Variants in SMIM41 observed in about 807,000 individuals in gnomAD.
The protein encoded by SMIM41 is small integral membrane protein 41.
intron 2 of SMIM41, among the ~76,000 whole-genome samples, chr12:52,105,599 A>C (rs1039999166): frequency 9.9e-5 from 15 of 152,132 alleles, no homozygotes; most frequent in Non-Finnish European, 2.2e-4. Context: ...AAAAATAGAA[A>C]AAAATTAGTC....
At chr12:52,084,384 A>C (rs1339965726) in intron 2 of SMIM41, among the ~76,000 whole-genome samples, 1 of 20,442 alleles carries the variant, frequency 4.9e-5, no homozygotes, top group Non-Finnish European at 8.4e-5. Flanking sequence ...AAAAAAAAAA[A>C]CAAACAAAAA....
In SMIM41 at chr12:52,108,217, A is replaced by G; in HGVS notation, c.*1034A>G. The stretch of plus-strand genomic sequence containing the variant: ...AACCCCTTTATCTACAGCCTGGGAA[A>G]CAGGGATATTAAAAGTGTCTTGCGG... On this transcript the variant is annotated 3_prime_UTR_variant, in exon 3 of 3. Transcript: ENST00000546390. 5.3e-6 allele frequency: 1 copy of G among 188,076 alleles called. No individual in the cohort carries two copies. The highest frequency in any genetic ancestry group is 1.1e-5 in the Non-Finnish European group (1 of 91,190). The allele number at this position is 188,076 out of a possible 1,614,324, so 11.7% of individuals were successfully genotyped here.
chr12:52,092,014 T>C (rs1940012600), intron 2 of SMIM41: 1 of 152,232 alleles, frequency 6.6e-6, no homozygotes, highest in Non-Finnish European at 1.5e-5. Flanking sequence ...TTGCGTTTTC[T>C]CCCAGCGTGC....
chr12:52,099,040 C>T (rs1007205791), intron 2 of SMIM41, among the ~76,000 whole-genome samples: 2 of 151,848 alleles, frequency 1.3e-5, no homozygotes, highest in Non-Finnish European at 2.9e-5. Flanking sequence ...GGAAGAGTAT[C>T]ACAGGCTGTG....
chr12:52,083,363 A>G (rs1030701425), intron 1 of SMIM41, among the ~76,000 whole-genome samples: 3 of 152,168 alleles, frequency 2.0e-5, no homozygotes. Flanking sequence ...TGGTGATGCA[A>G]GCTTCAGGTC....
intron 1 of SMIM41, among the ~76,000 whole-genome samples, 152 bp downstream of exon 1, chr12:52,080,333 A>G (rs1939799297): frequency 6.6e-6 from 1 of 152,022 alleles, no homozygotes; most frequent in Non-Finnish European, 1.5e-5. Flanking sequence ...CTGTAAGTCC[A>G]CGGCCGGTGG....
chr12:52,090,056 GTTGTTTGT>G lies in SMIM41; in HGVS notation c.*195+6107_*195+6114del, dbSNP rs367626341. On this transcript the variant is annotated intron_variant, in intron 2 of 2. Transcript: ENST00000546390. ...CATCAGGAAGTGTTGCCAAGAAGGT[GTTGTTTGT>G]TTGTTTGTTTGTTTGTTTATTTTTG... Among the ~76,000 whole-genome samples, 8 of 151,484 alleles carry G rather than the reference GTTGTTTGT, an allele frequency of 5.3e-5. No individual in the cohort carries two copies. The South Asian group carries it at 6.2e-4, about 12-fold the overall frequency.
intron 2 of SMIM41, chr12:52,104,123 C>A (rs1442085246): frequency 6.6e-6 from 1 of 151,634 alleles, no homozygotes; most frequent in African/African-American, 2.4e-5. Flanking sequence ...GCAGTTGGAT[C>A]TTTAAAAAGA....
intron 2 of SMIM41, among the ~76,000 whole-genome samples, chr12:52,100,748 C>T (rs995305522): frequency 3.3e-5 from 5 of 150,868 alleles, no homozygotes; most frequent in African/African-American, 1.2e-4. Context: ...GCTGGGATTA[C>T]AGGCGTGAGT....
rs571087094 is a variant in SMIM41 at position 52,103,440 on chromosome 12, C to T, written c.*196-3939C>T. 4.7e-5 allele frequency among the ~76,000 whole-genome samples: 7 copies of T among 150,496 alleles called. No homozygotes were observed. In the South Asian group the frequency reaches 6.3e-4, roughly 13 times the overall value. On this transcript the variant is annotated intron_variant, in intron 2 of 2. Coordinates refer to ENST00000546390, the MANE Select transcript of SMIM41 (RefSeq NM_001369216.1). ...CATGGATGAACCTTGAAGAGATTAT[C>T]GTCAGTGAAATGAATAAATCCAAAA...
chr12:52,102,017 C>G (rs1382038568), intron 2 of SMIM41, among the ~76,000 whole-genome samples: 2 of 152,090 alleles, frequency 1.3e-5, no homozygotes, highest in Non-Finnish European at 2.9e-5. Flanking sequence ...TCGGCCCATG[C>G]TGTATCTTTA....
chr12:52,099,707 C>T (rs1940176089), intron 2 of SMIM41, among the ~76,000 whole-genome samples: 1 of 151,848 alleles, frequency 6.6e-6, no homozygotes, highest in Admixed American at 6.6e-5. Flanking sequence ...GATTCTTTGC[C>T]CACCTGGATA....
Position 52,087,330 on chromosome 12 carries a change from G to A in SMIM41, c.*195+3362G>A, listed in dbSNP as rs1001986827. Among the ~76,000 whole-genome samples the A allele has an allele frequency of 3.9e-5, 6 of 152,182 alleles. No individual in the cohort carries two copies. In the East Asian group the frequency reaches 5.8e-4, roughly 15 times the overall value. ...AATAGCGCTCTTTGCACCCACTGCC[G>A]CCTCCGGTTACTATCCTATGTCTCA... On this transcript the variant is annotated intron_variant, in intron 2 of 2. Transcript: ENST00000546390.
intron 2 of SMIM41, among the ~76,000 whole-genome samples, chr12:52,099,622 G>A (rs971587537): frequency 4.6e-5 from 7 of 151,910 alleles, no homozygotes; most frequent in Non-Finnish European, 8.8e-5. Flanking sequence ...TAGTGATATC[G>A]TTCCCTCCTT....
At chr12:52,100,719 C>T (rs1357332461) in intron 2 of SMIM41, among the ~76,000 whole-genome samples, 1 of 151,358 alleles carries the variant, frequency 6.6e-6, no homozygotes, top group Non-Finnish European at 1.5e-5. Flanking sequence ...GTGATCCACC[C>T]ACTTCGGCCC....
chr12:52,082,403 G>A (rs1473751545), intron 1 of SMIM41, among the ~76,000 whole-genome samples: 1 of 152,042 alleles, frequency 6.6e-6, no homozygotes, highest in Non-Finnish European at 1.5e-5. Context: ...TCCCGTTGCT[G>A]TTCCTGAGTC....
At chr12:52,090,103 C>T (rs1432220522) in intron 2 of SMIM41, among the ~76,000 whole-genome samples, 11 of 151,828 alleles carry the variant, frequency 7.2e-5, no homozygotes, top group Admixed American at 6.6e-4. Flanking sequence ...CAGAGAATTG[C>T]TCTGTTGCCA....
intron 2 of SMIM41, among the ~76,000 whole-genome samples, chr12:52,088,144 G>A (rs950087802): frequency 3.3e-5 from 5 of 152,178 alleles, no homozygotes; most frequent in South Asian, 2.1e-4. Flanking sequence ...CAGAGCCTGC[G>A]CACTTGCTGG....
chr12:52,087,108 C>T (rs939765811), intron 2 of SMIM41, among the ~76,000 whole-genome samples: 2 of 152,224 alleles, frequency 1.3e-5, no homozygotes, highest in Non-Finnish European at 2.9e-5. Flanking sequence ...GTCCCTCCCA[C>T]CTCCCAACTC....
Sources: allele counts gnomAD v4.1 joint callset (sites outside exome capture counted in the v4.1 genomes callset), GRCh38; gene constraint gnomAD v4.1.1; transcripts MANE v1.5; gene names NCBI Gene and HGNC (gene_info 2026-07-23, HGNC 2026-07-21).